The following ATRNL1 variants were observed in gnomAD, a reference collection of about 807,000 sequenced individuals.
The protein encoded by ATRNL1 is attractin like 1.
ATRNL1 carries 95 observed loss-of-function variants against 182.7 expected under a neutral mutation model. The ratio of observed to expected loss-of-function variants is 0.52; its 90% confidence interval spans 0.44 to 0.62. The LOEUF (loss-of-function observed/expected upper bound fraction) is 0.62, where lower values mean the gene tolerates loss of function less well. Among genes scored for constraint, ATRNL1 ranks in the 20% least tolerant of loss-of-function variants. The probability of loss-of-function intolerance (pLI) is 0.00; values close to 1 mark genes in which losing one functional copy is unlikely to be tolerated. For missense variants in ATRNL1, 1,471 were observed against 1,679.5 expected (o/e 0.88, Z 2.17); for synonymous variants, 576 against 568.3 (o/e 1.01, Z -0.19).
At chr10:115,506,636 T>G (rs1850126599) in intron 24 of ATRNL1, among the ~76,000 whole-genome samples, 1 of 152,074 alleles carries the variant, frequency 6.6e-6, no homozygotes, top group South Asian at 2.1e-4. Flanking sequence ...TTGCCTTCCT[T>G]GTTGGAAGCA....
At position 115,906,267 on chromosome 10, in the gene ATRNL1, T is replaced by A. The variant is rs116845440; in HGVS notation, c.4019-38391T>A. Among the ~76,000 whole-genome samples, 515 of 152,352 alleles carry A rather than the reference T, an allele frequency of 3.4e-3. 2 individuals carry two copies. The highest frequency in any genetic ancestry group is 5.0e-3 in the Non-Finnish European group (342 of 68,030). Reference sequence around the variant, plus strand: ...AAGCTAGGTTTCTGCTAATAAAGTTTGAAAACTACTGGCTTGGCGAAAGTA... The same window carrying A: ...AAGCTAGGTTTCTGCTAATAAAGTTAGAAAACTACTGGCTTGGCGAAAGTA... On this transcript the variant is annotated intron_variant, in intron 28 of 28. Transcript: ENST00000355044.
intron 26 of ATRNL1, among the ~76,000 whole-genome samples, chr10:115,572,685 G>A (rs1198874260): frequency 1.3e-5 from 2 of 152,188 alleles, no homozygotes; most frequent in Admixed American, 1.3e-4. Context: ...AGAGAGGTCT[G>A]GGATTCCAGA....
chr10:115,213,801 C>T (rs1401890107), intron 8 of ATRNL1, among the ~76,000 whole-genome samples: 11 of 152,024 alleles, frequency 7.2e-5, no homozygotes, highest in Non-Finnish European at 1.6e-4. Flanking sequence ...TTACTGAGAA[C>T]TGTGCTCTAT....
At chr10:115,100,740 G>A (rs1333426556) in intron 1 of ATRNL1, among the ~76,000 whole-genome samples, 1 of 152,064 alleles carries the variant, frequency 6.6e-6, no homozygotes, top group Admixed American at 6.6e-5. Context: ...ATTTCCATAT[G>A]AATTTTAGAA....
intron 9 of ATRNL1, among the ~76,000 whole-genome samples, chr10:115,220,787 T>G (rs1849431100): frequency 6.7e-6 from 1 of 149,042 alleles, no homozygotes; most frequent in Admixed American, 6.8e-5. Flanking sequence ...AGATTCTGCC[T>G]TCAAGCTTGC....
chr10:115,826,640 G>T (rs139094953), intron 27 of ATRNL1, among the ~76,000 whole-genome samples: 1 of 152,186 alleles, frequency 6.6e-6, no homozygotes, highest in South Asian at 2.1e-4. Flanking sequence ...ACACCGGAGA[G>T]CGAGTAAGGC....
chr10:115,911,501 T>C (rs971096597), intron 28 of ATRNL1, among the ~76,000 whole-genome samples: 6 of 151,976 alleles, frequency 3.9e-5, no homozygotes, highest in African/African-American at 1.5e-4. Flanking sequence ...GTATTTTTAG[T>C]AAAGATAGGA....
intron 28 of ATRNL1, among the ~76,000 whole-genome samples, chr10:115,915,913 G>A (rs1555117107): frequency 6.6e-6 from 1 of 151,864 alleles, no homozygotes; most frequent in Non-Finnish European, 1.5e-5. Flanking sequence ...TAAGAGATCT[G>A]CACTCCTTTA....
In ATRNL1 at chr10:115,208,357, C is replaced by T. The variant is rs1554894271; in HGVS notation, c.1349-7340C>T. Among the ~76,000 whole-genome samples, 3 of 151,588 alleles carry T rather than the reference C, an allele frequency of 2.0e-5. No individual in the cohort carries two copies. In the South Asian group the frequency reaches 6.2e-4, roughly 31 times the overall value. ...TTCTTTTTGTTATGAATTATATTTC[C>T]TTTGCCTTCTATACTTTTTAATTTT... On this transcript the variant is annotated intron_variant, in intron 8 of 28. Coordinates refer to ENST00000355044, the MANE Select transcript of ATRNL1 (RefSeq NM_207303.4).
intron 19 of ATRNL1, among the ~76,000 whole-genome samples, chr10:115,344,902 G>T (rs1203804870): frequency 3.9e-5 from 6 of 152,164 alleles, no homozygotes; most frequent in African/African-American, 9.7e-5. Context: ...TTCCTTTCTG[G>T]CCCAGTATGT....
rs558575833 is a variant in ATRNL1, at chr10:115,290,668, C to T, written c.2415+4271C>T. 2.8e-4 allele frequency among the ~76,000 whole-genome samples: 42 copies of T among 151,896 alleles called. No individual in the cohort carries two copies. In the South Asian group the frequency reaches 8.3e-3, roughly 30 times the overall value. ...TGAAACTGCAGCCCCCCACCCCCGT[C>T]CAAAAAAGAGCAGAGGTTTAATAGG... On this transcript the variant is annotated intron_variant, in intron 15 of 28. Coordinates refer to ENST00000355044, the MANE Select transcript of ATRNL1 (RefSeq NM_207303.4).
At position 115,300,212 on chromosome 10, in the gene ATRNL1, C is replaced by A; in HGVS notation, c.2594C>A (p.Ser865Tyr). Reference sequence around the variant, plus strand: ...GGCTTAAAAGCTAATCCTTGTACATCTATGGCAAATGGCCTTGTCTGTGAA... The same window carrying A: ...GGCTTAAAAGCTAATCCTTGTACATATATGGCAAATGGCCTTGTCTGTGAA... ...VAGLKANPCT[S>Y]MANGLVCEKP... Residue 865 changes from serine to tyrosine, a missense_variant, in exon 16 of 29, where the codon TCT becomes TAT. Ser to Tyr is a moderately radical substitution (Grantham distance 144). This residue lies in a region of ATRNL1 where 1,031 missense variants were observed against 1,156.0 expected (regional missense o/e 0.89). Coordinates refer to ENST00000355044, the MANE Select transcript of ATRNL1 (RefSeq NM_207303.4). 6.2e-7 allele frequency: 1 copy of A among 1,613,954 alleles called. No individual in the cohort carries two copies. Among genetic ancestry groups the A allele is most frequent in the Middle Eastern group, 1.7e-4 (1 of 6,060 alleles).
At chr10:115,325,066 C>T (rs1321392058) in intron 18 of ATRNL1, among the ~76,000 whole-genome samples, 3 of 152,076 alleles carry the variant, frequency 2.0e-5, no homozygotes, top group Non-Finnish European at 4.4e-5. Context: ...AAATGTTGCG[C>T]ATCTGTTGCA....
intron 28 of ATRNL1, among the ~76,000 whole-genome samples, chr10:115,867,617 C>G (rs782006764): frequency 2.0e-5 from 3 of 152,138 alleles, no homozygotes; most frequent in Admixed American, 1.3e-4. Flanking sequence ...TGTCTTGTGC[C>G]GCTTCCATCT....
intron 1 of ATRNL1, among the ~76,000 whole-genome samples, chr10:115,106,422 G>C (rs782188825): frequency 1.4e-4 from 21 of 152,216 alleles, no homozygotes; most frequent in Admixed American, 2.6e-4. Context: ...TAAGACTTTG[G>C]GGGACTGTTG....
chr10:115,464,734 A>G (rs2134544932), intron 22 of ATRNL1, among the ~76,000 whole-genome samples: 1 of 152,036 alleles, frequency 6.6e-6, no homozygotes, highest in South Asian at 2.1e-4. Flanking sequence ...TGTAATTAAG[A>G]GACAATTTCA....
chr10:115,460,994 T>C (rs1373586157), intron 21 of ATRNL1, among the ~76,000 whole-genome samples: 1 of 152,104 alleles, frequency 6.6e-6, no homozygotes, highest in African/African-American at 2.4e-5. Flanking sequence ...AATATTGCCT[T>C]ACACTAAATT....
At chr10:115,892,101 G>T (rs1224178416) in intron 28 of ATRNL1, among the ~76,000 whole-genome samples, 1 of 152,110 alleles carries the variant, frequency 6.6e-6, no homozygotes, top group African/African-American at 2.4e-5. Context: ...TTTTGTTGTT[G>T]TTGTTATATT....
intron 24 of ATRNL1, among the ~76,000 whole-genome samples, chr10:115,492,741 T>A (rs984020831): frequency 1.3e-5 from 2 of 150,406 alleles, no homozygotes; most frequent in African/African-American, 4.9e-5. Context: ...CCTCCCGGGT[T>A]CACACCATTC....
Sources: allele counts gnomAD v4.1 joint callset (sites outside exome capture counted in the v4.1 genomes callset), GRCh38; gene constraint gnomAD v4.1.1; regional missense constraint gnomAD v4.1.1; transcripts MANE v1.5; gene names NCBI Gene and HGNC (gene_info 2026-07-23, HGNC 2026-07-21).